The following CCDC85C variants were observed in gnomAD, a reference collection of about 807,000 sequenced individuals.
CCDC85C encodes the protein coiled-coil domain-containing protein 85C.
A neutral mutation model predicts 38.3 loss-of-function variants in CCDC85C; 18 were observed. The observed-to-expected ratio is 0.47, with a 90% confidence interval of 0.33 to 0.70. The LOEUF (loss-of-function observed/expected upper bound fraction) is 0.70, where lower values mean the gene tolerates loss of function less well. Ranked by LOEUF, CCDC85C falls within the 30% of genes least tolerant of loss-of-function variation. CCDC85C has a pLI of 0.03. For missense variants in CCDC85C, 566 were observed against 621.2 expected (o/e 0.91, Z 0.94); for synonymous variants, 264 against 293.8 (o/e 0.90, Z 1.04).
rs556747547 is a variant in CCDC85C at position 99,505,178 on chromosome 14, T to C, written c.*10068A>G. The C allele has an allele frequency of 6.6e-6, 1 of 152,368 alleles. No homozygotes were observed. The highest frequency in any genetic ancestry group is 2.1e-4 in the South Asian group (1 of 4,828). 9.4% of individuals were successfully genotyped at this position (152,368 alleles called of 1,614,324 possible). On this transcript the variant is annotated 3_prime_UTR_variant, in exon 6 of 6. Coordinates refer to ENST00000380243, the MANE Select transcript of CCDC85C (RefSeq NM_001144995.2). ...TAAATTCATTTGAGAAGGAGTCCCCTGGCAGCAGTAAATAGGGCAAGTGGT... is the reference window on the plus strand; with the variant it reads ...TAAATTCATTTGAGAAGGAGTCCCCCGGCAGCAGTAAATAGGGCAAGTGGT...
Position 99,519,099 on chromosome 14 carries a change from C to CTTTTT in CCDC85C, c.976-1921_976-1917dup, listed in dbSNP as rs59524541. Among the ~76,000 whole-genome samples, 10 of 52,218 alleles carry CTTTTT rather than the reference C, an allele frequency of 1.9e-4. 1 individual carries two copies. Among genetic ancestry groups the CTTTTT allele is most frequent in the African/African-American group, 6.6e-4 (8 of 12,114 alleles). 34.3% of individuals were successfully genotyped at this position (52,218 alleles called of 152,430 possible). Reference sequence around the variant, plus strand: ...TATCTTTTTACATGTTCATACATGCCTTTTTTTTTTTTTTTTTTTTTTTTT... The same window carrying CTTTTT: ...TATCTTTTTACATGTTCATACATGCCTTTTTTTTTTTTTTTTTTTTTTTTTTTTTT... On this transcript the variant is annotated intron_variant, in intron 3 of 5. Transcript: ENST00000380243.
chr14:99,515,333 C>A lies in CCDC85C; in HGVS notation c.1173G>T (p.Val391=). ...CTGCATCTCCCAGCTTTCTCCAGAC[C>A]ACCTGTGGAGAGGAGAGAGATGTGA... ...EKAIVREMCN[V]VWRKLGDAAS... is the part of the protein sequence containing the mutation. The change falls in exon 6 of 6, where the codon GTG becomes GTT. Residue 391 remains valine (V), a splice_region_variant and synonymous_variant. Transcript: ENST00000380243. The A allele has an allele frequency of 6.5e-7, 1 of 1,549,800 alleles. No individual in the cohort carries two copies. The highest frequency in any genetic ancestry group is 1.2e-5 in the South Asian group (1 of 84,028).
intron 2 of CCDC85C, 140 bp from the exon 3 acceptor site, chr14:99,522,380 C>T (rs1048707852): frequency 6.7e-6 from 4 of 599,068 alleles, no homozygotes; most frequent in African/African-American, 1.9e-5. Flanking sequence ...CTCCACACCG[C>T]TTATCCATCC....
Position 99,500,965 on chromosome 14 carries a change from C to T in CCDC85C, c.*14281G>A. On this transcript the variant is annotated 3_prime_UTR_variant, in exon 6 of 6. Coordinates refer to ENST00000380243, the MANE Select transcript of CCDC85C (RefSeq NM_001144995.2). ...AATTACGCTTCTCAAAAGCGGAAAA[C>T]AAAGTTTGATGTGTGAAATACCAAG... The T allele has an allele frequency of 1.2e-6, 1 of 807,308 alleles. No homozygotes were observed. Among genetic ancestry groups the T allele is most frequent in the South Asian group, 1.6e-5 (1 of 62,834 alleles). 50.0% of individuals were successfully genotyped at this position (807,308 alleles called of 1,614,324 possible). A position where few individuals can be genotyped will look rare whatever the true frequency, so the allele number is the denominator to read the frequency against.
rs1566750823 is a variant in CCDC85C, at chr14:99,501,044, T to TAA, written c.*14201_*14202insTT. The stretch of plus-strand genomic sequence containing the variant: ...TGCAGCTGCTAATGCTGTTTCCTTT[T>TAA]ATGTATAAACAGGCTCTGTCATCCA... On this transcript the variant is annotated 3_prime_UTR_variant, in exon 6 of 6. Coordinates refer to ENST00000380243, the MANE Select transcript of CCDC85C (RefSeq NM_001144995.2). 4.9e-6 allele frequency: 3 copies of TAA among 613,252 alleles called. No individual in the cohort carries two copies. The highest frequency in any genetic ancestry group is 1.9e-5 in the African/African-American group (1 of 53,556). The allele number at this position is 613,252 out of a possible 1,614,324, so 38.0% of individuals were successfully genotyped here.
chr14:99,603,462 A>G lies in CCDC85C; in HGVS notation c.498T>C (p.Gly166=). The G allele has an allele frequency of 7.8e-7, 1 of 1,281,290 alleles. No homozygotes were observed. The highest frequency in any genetic ancestry group is 9.8e-7 in the Non-Finnish European group (1 of 1,019,358). The allele number at this position is 1,281,290 out of a possible 1,614,324, so 79.4% of individuals were successfully genotyped here. Reference sequence around the variant, plus strand: ...CGGCGCCGCCCCCGCCGCCGCCGCCACCGCTTGCGGCCCCCGTCGCCGCCA... The same window carrying G: ...CGGCGCCGCCCCCGCCGCCGCCGCCGCCGCTTGCGGCCCCCGTCGCCGCCA... The part of the protein sequence containing the change: ...AALAATGAAS[G]GGGGGGGAGS... The change falls in exon 1 of 6, where the codon GGT becomes GGC. Residue 166 remains glycine, a synonymous_variant. Transcript: ENST00000380243. The surrounding 1 kb of genome is among the most constrained non-coding windows in gnomAD (Gnocchi z 7.5).
intron 1 of CCDC85C, among the ~76,000 whole-genome samples, chr14:99,557,158 T>A (rs917388648): frequency 1.3e-5 from 2 of 152,218 alleles, no homozygotes; most frequent in African/African-American, 2.4e-5. Flanking sequence ...AATGCAATTA[T>A]TCCTATTGAA....
chr14:99,515,595 T>A (rs1168492509), intron 5 of CCDC85C, among the ~76,000 whole-genome samples: 1 of 151,928 alleles, frequency 6.6e-6, no homozygotes, highest in Non-Finnish European at 1.5e-5. Flanking sequence ...CCCCACTAGG[T>A]GATGCGGGGG....
At chr14:99,522,092 CT>C in intron 3 of CCDC85C, 40 bp downstream of exon 3, 1 of 1,482,838 alleles carries the variant, frequency 6.7e-7, no homozygotes. Context: ...GCCTCAGCCC[CT>C]CATCCAGAAC....
Position 99,535,016 on chromosome 14 carries a change from A to C in CCDC85C, c.867+999T>G. The C allele has an allele frequency of 2.7e-6, 1 of 374,330 alleles. No individual in the cohort carries two copies. The highest frequency in any genetic ancestry group is 4.9e-6 in the Non-Finnish European group (1 of 202,096). 23.2% of individuals were successfully genotyped at this position (374,330 alleles called of 1,614,324 possible). A position where few individuals can be genotyped will look rare whatever the true frequency, so the allele number is the denominator to read the frequency against. ...CTGGGAACCTTCCCCACAGCCCACA[A>C]AGGGGTGAGACGTGAGGATGACCTC... On this transcript the variant is annotated intron_variant, in intron 2 of 5. Transcript: ENST00000380243. The surrounding 1 kb of genome is among the most constrained non-coding windows in gnomAD (Gnocchi z 5.5).
Position 99,504,182 on chromosome 14 carries a change from G to T in CCDC85C, c.*11064C>A. 4.2e-6 allele frequency: 1 copy of T among 237,850 alleles called. No individual in the cohort carries two copies. The allele number at this position is 237,850 out of a possible 1,614,324, so 14.7% of individuals were successfully genotyped here. ...ATAAACAGAAGGAGTGAGCAAAATTGGAACAATTACAAAACAGAAAGTTAG... is the reference window on the plus strand; with the variant it reads ...ATAAACAGAAGGAGTGAGCAAAATTTGAACAATTACAAAACAGAAAGTTAG... On this transcript the variant is annotated 3_prime_UTR_variant, in exon 6 of 6. Coordinates refer to ENST00000380243, the MANE Select transcript of CCDC85C (RefSeq NM_001144995.2).
chr14:99,593,328 G>A (rs1041085895), intron 1 of CCDC85C, among the ~76,000 whole-genome samples: 1 of 152,234 alleles, frequency 6.6e-6, no homozygotes, highest in Non-Finnish European at 1.5e-5. Flanking sequence ...TCTATTTTTG[G>A]AAATGGGTCG....
chr14:99,578,518 T>C (rs946790505), intron 1 of CCDC85C, among the ~76,000 whole-genome samples: 26 of 152,248 alleles, frequency 1.7e-4, no homozygotes, highest in African/African-American at 2.4e-4. Flanking sequence ...CCCATCACTG[T>C]GTGTGTGTGA....
intron 1 of CCDC85C, among the ~76,000 whole-genome samples, chr14:99,568,871 A>C (rs531446348): frequency 8.5e-5 from 13 of 152,364 alleles, no homozygotes; most frequent in African/African-American, 3.1e-4. Context: ...TCACAGACAG[A>C]AAGGGAACCG....
At chr14:99,581,437 G>A (rs2054967669) in intron 1 of CCDC85C, among the ~76,000 whole-genome samples, 1 of 152,242 alleles carries the variant, frequency 6.6e-6, no homozygotes, top group Non-Finnish European at 1.5e-5. Context: ...GACAGCGTAT[G>A]AAGCCTCACA....
chr14:99,507,724 G>GTTTT lies in CCDC85C; in HGVS notation c.*7521_*7522insAAAA. On this transcript the variant is annotated 3_prime_UTR_variant, in exon 6 of 6. Transcript: ENST00000380243. Reference sequence around the variant, plus strand: ...CCCCGCCTTCTGAGATAGAGGCAGGGTTACTGTGGCTACTAGGCTCCGGCC... The same window carrying GTTTT: ...CCCCGCCTTCTGAGATAGAGGCAGGGTTTTTTACTGTGGCTACTAGGCTCCGGCC... 1 of 154,226 alleles carries GTTTT rather than the reference G, an allele frequency of 6.5e-6. No homozygotes were observed. The highest frequency in any genetic ancestry group is 1.4e-5 in the Non-Finnish European group (1 of 69,322). 9.6% of individuals were successfully genotyped at this position (154,226 alleles called of 1,614,324 possible).
rs1260892248 is a variant in CCDC85C, at chr14:99,604,149, T to C, written c.-190A>G. 7.5e-6 allele frequency: 3 copies of C among 397,354 alleles called. No homozygotes were observed. Among genetic ancestry groups the C allele is most frequent in the Non-Finnish European group, 1.0e-5 (3 of 295,184 alleles). 24.6% of individuals were successfully genotyped at this position (397,354 alleles called of 1,614,324 possible). A position where few individuals can be genotyped will look rare whatever the true frequency, so the allele number is the denominator to read the frequency against. Reference sequence around the variant, plus strand: ...CCCGGGAGCCCGCGCGCCTCGGGGTTGACGAGCGGAGGCGGCTGCTGCGTC... The same window carrying C: ...CCCGGGAGCCCGCGCGCCTCGGGGTCGACGAGCGGAGGCGGCTGCTGCGTC... On this transcript the variant is annotated 5_prime_UTR_variant, in exon 1 of 6. Transcript: ENST00000380243.
At chr14:99,530,456 G>A (rs529630132) in intron 2 of CCDC85C, among the ~76,000 whole-genome samples, 5 of 152,304 alleles carry the variant, frequency 3.3e-5, no homozygotes, top group African/African-American at 9.6e-5. Flanking sequence ...AGATGCCCAC[G>A]TGGACCACCG....
At position 99,603,621 on chromosome 14, in the gene CCDC85C, G is replaced by C. The variant is rs1170396423; in HGVS notation, c.339C>G (p.Ala113=). The change falls in exon 1 of 6, where the codon GCC becomes GCG. Residue 113 remains alanine (A), a synonymous_variant. Coordinates refer to ENST00000380243, the MANE Select transcript of CCDC85C (RefSeq NM_001144995.2). The surrounding 1 kb of genome is among the most constrained non-coding windows in gnomAD (Gnocchi z 7.5). ...REWQRFGRHA[A]GAVWHEVARS... is the part of the protein sequence containing the mutation. ...GGGCCACCTCGTGCCACACGGCGCC[G>C]GCCGCGTGGCGCCCGAAGCGCTGCC... is the stretch of plus-strand genomic sequence containing the variant. The C allele has an allele frequency of 6.8e-7, 1 of 1,460,712 alleles. No homozygotes were observed. Among genetic ancestry groups the C allele is most frequent in the Non-Finnish European group, 9.0e-7 (1 of 1,108,666 alleles). The allele number at this position is 1,460,712 out of a possible 1,614,324, so 90.5% of individuals were successfully genotyped here.
Sources: gnomAD v4.1 joint callset for allele counts (sites outside exome capture counted in the v4.1 genomes callset) on GRCh38, gnomAD v4.1.1 for gene constraint, Gnocchi (gnomAD v3.1) non-coding constraint, MANE v1.5 for transcripts, NCBI Gene and HGNC (gene_info 2026-07-23, HGNC 2026-07-21) for gene names.